The following HS3ST4 variants were observed in gnomAD, a reference collection of about 807,000 sequenced individuals.
The protein encoded by HS3ST4 is heparan sulfate-glucosamine 3-sulfotransferase 4, also known as heparan sulfate glucosamine 3-O-sulfotransferase 4.
In HS3ST4, 17 loss-of-function variants were observed where a neutral mutation model predicts 29.2. The observed-to-expected ratio is 0.58, with a 90% CI of 0.40 to 0.87. The LOEUF (loss-of-function observed/expected upper bound fraction) is 0.87. Ranked by LOEUF, HS3ST4 falls within the 40% of genes least tolerant of loss-of-function variation. The pLI, the probability that HS3ST4 is intolerant of heterozygous loss-of-function variation, is 0.00. For missense variants in HS3ST4, 627 were observed against 634.5 expected (o/e 0.99, Z 0.13); for synonymous variants, 314 against 285.7 (o/e 1.10, Z -1.00).
intron 1 of HS3ST4, among the ~76,000 whole-genome samples, chr16:26,048,765 CA>C (rs1436650688): frequency 6.6e-6 from 1 of 152,108 alleles, no homozygotes; most frequent in Non-Finnish European, 1.5e-5. Flanking sequence ...CCCAAGAGTT[CA>C]AGGCTGTAGT....
At chr16:25,993,823 A>T (rs1969134402) in intron 1 of HS3ST4, among the ~76,000 whole-genome samples, 1 of 152,048 alleles carries the variant, frequency 6.6e-6, no homozygotes, top group African/African-American at 2.4e-5. Context: ...AATAGGAGCC[A>T]TTTATTTCTC....
intron 1 of HS3ST4, among the ~76,000 whole-genome samples, chr16:25,875,559 C>T (rs1262564686): frequency 6.6e-6 from 1 of 152,146 alleles, no homozygotes; most frequent in Non-Finnish European, 1.5e-5. Context: ...GAATCAATTT[C>T]TAGCAATCCC....
rs139916270 is a variant in HS3ST4, at chr16:26,109,086, T to A, written c.735-26526T>A. On this transcript the variant is annotated intron_variant, in intron 1 of 1. Transcript: ENST00000331351. The stretch of plus-strand genomic sequence containing the variant: ...GTGGGATGAAACCAGAAAGATGACA[T>A]CACAAATAACTCATAGAAGAAAAAG... Among the ~76,000 whole-genome samples the A allele has an allele frequency of 4.8e-3, 728 of 152,030 alleles. 5 individuals carry two copies. Among genetic ancestry groups the A allele is most frequent in the African/African-American group, 0.016 (677 of 41,468 alleles).
intron 1 of HS3ST4, among the ~76,000 whole-genome samples, chr16:25,800,657 G>A (rs918551550): frequency 1.3e-5 from 2 of 152,084 alleles, no homozygotes; most frequent in African/African-American, 4.8e-5. Flanking sequence ...TCTCTTAGAT[G>A]ATGCTGTTGT....
intron 1 of HS3ST4, among the ~76,000 whole-genome samples, chr16:25,828,574 C>T (rs1288085650): frequency 6.6e-6 from 1 of 151,886 alleles, no homozygotes; most frequent in Non-Finnish European, 1.5e-5. Flanking sequence ...CTCCTGGGCT[C>T]AAGCAATCCA....
intron 1 of HS3ST4, among the ~76,000 whole-genome samples, chr16:25,828,486 A>G (rs1012370820): frequency 1.3e-5 from 2 of 151,246 alleles, no homozygotes; most frequent in Admixed American, 1.3e-4. Context: ...GACTACAGGC[A>G]CCCGCCACCA....
At chr16:26,031,704 G>GT (rs202095804) in intron 1 of HS3ST4, among the ~76,000 whole-genome samples, 422 of 141,816 alleles carry the variant, frequency 3.0e-3, no homozygotes, top group African/African-American at 4.4e-3. Context: ...ATGGAGGCGT[G>GT]TTTTTTTTTT....
At chr16:25,885,406 TA>T (rs1477877952) in intron 1 of HS3ST4, among the ~76,000 whole-genome samples, 2 of 152,198 alleles carry the variant, frequency 1.3e-5, no homozygotes, top group African/African-American at 4.8e-5. Flanking sequence ...ACCTGGTTTC[TA>T]AAACCCTCTA....
chr16:26,098,664 C>T (rs1898956793), intron 1 of HS3ST4, among the ~76,000 whole-genome samples: 1 of 151,986 alleles, frequency 6.6e-6, no homozygotes, highest in Non-Finnish European at 1.5e-5. Context: ...AACAAACCAA[C>T]ATGGCACATG....
intron 1 of HS3ST4, among the ~76,000 whole-genome samples, chr16:25,930,241 G>T (rs1441286719): frequency 6.6e-6 from 1 of 152,178 alleles, no homozygotes; most frequent in Non-Finnish European, 1.5e-5. Context: ...TTGCAAAGCT[G>T]CATGGAAGTG....
intron 1 of HS3ST4, among the ~76,000 whole-genome samples, chr16:25,896,630 C>T (rs1210999018): frequency 1.3e-5 from 2 of 152,140 alleles, no homozygotes; most frequent in Non-Finnish European, 2.9e-5. Flanking sequence ...ACCCAGCAAT[C>T]CCATTACTGG....
chr16:25,828,844 C>T (rs1327923780), intron 1 of HS3ST4, among the ~76,000 whole-genome samples: 1 of 152,126 alleles, frequency 6.6e-6, no homozygotes, highest in African/African-American at 2.4e-5. Flanking sequence ...GTTTTGTGAA[C>T]TTGGACAAGT....
chr16:25,729,143 G>A (rs952768450), intron 1 of HS3ST4, among the ~76,000 whole-genome samples: 4 of 152,102 alleles, frequency 2.6e-5, no homozygotes, highest in African/African-American at 9.7e-5. Flanking sequence ...TCAAGAAGGA[G>A]TCTGGATAGA....
intron 1 of HS3ST4, among the ~76,000 whole-genome samples, chr16:25,975,322 A>T (rs1015104814): frequency 2.6e-5 from 4 of 152,140 alleles, no homozygotes; most frequent in African/African-American, 9.6e-5. Context: ...GGGGTTAAGG[A>T]TGGAAAAATT....
intron 1 of HS3ST4, among the ~76,000 whole-genome samples, chr16:26,068,776 T>C (rs1898568642): frequency 6.6e-6 from 1 of 152,096 alleles, no homozygotes; most frequent in South Asian, 2.1e-4. Context: ...TTTTTTGATA[T>C]TGTTTTGCTC....
chr16:25,935,697 A>C (rs184635945), intron 1 of HS3ST4, among the ~76,000 whole-genome samples: 45 of 152,242 alleles, frequency 3.0e-4, no homozygotes, highest in African/African-American at 8.2e-4. Context: ...GATGTGACAC[A>C]ATTTGTTTAT....
intron 1 of HS3ST4, among the ~76,000 whole-genome samples, chr16:25,928,604 C>T (rs1968433125): frequency 6.6e-6 from 1 of 152,212 alleles, no homozygotes; most frequent in African/African-American, 2.4e-5. Context: ...TCAGTAGCCT[C>T]AAAATCTCCC....
intron 1 of HS3ST4, among the ~76,000 whole-genome samples, chr16:26,113,395 G>A (rs1382286179): frequency 2.7e-5 from 4 of 148,762 alleles, no homozygotes; most frequent in African/African-American, 9.9e-5. Context: ...GCAGTGAGCC[G>A]AGATCACGCC....
chr16:26,075,287 CT>C (rs1898649118), intron 1 of HS3ST4, among the ~76,000 whole-genome samples: 1 of 152,138 alleles, frequency 6.6e-6, no homozygotes, highest in Non-Finnish European at 1.5e-5. Context: ...GCTAGCCAAC[CT>C]CCTGGGTGGT....
Sources: gnomAD v4.1 joint callset for allele counts (sites outside exome capture counted in the v4.1 genomes callset) on GRCh38, gnomAD v4.1.1 for gene constraint, MANE v1.5 for transcripts, NCBI Gene and HGNC (gene_info 2026-07-23, HGNC 2026-07-21) for gene names.